Variants in GRIK3 observed in about 807,000 individuals in gnomAD.
The protein encoded by GRIK3 is glutamate ionotropic receptor kainate type subunit 3, also known as glutamate receptor ionotropic, kainate 3.
GRIK3 carries 29 observed loss-of-function variants against 102.5 expected under a neutral mutation model. The observed-to-expected ratio is 0.28, with a 90% confidence interval of 0.21 to 0.39. The LOEUF is 0.39. Ranked by LOEUF, GRIK3 falls within the 10% of genes least tolerant of loss-of-function variation. GRIK3 has a pLI of 1.00. For synonymous variants in GRIK3, 511 were observed against 504.9 expected, an observed-to-expected ratio of 1.01 and a Z score of -0.16; for missense variants, 908 against 1,252.4, an observed-to-expected ratio of 0.73 and a Z score of 4.15.
chr1:36,805,185 C>T lies in GRIK3; in HGVS notation c.2367G>A (p.Glu789=), dbSNP rs377412895. The change falls in exon 15 of 16, where the codon GAG becomes GAA. Residue 789 remains glutamate, a synonymous_variant. Coordinates refer to ENST00000373091, the MANE Select transcript of GRIK3 (RefSeq NM_000831.4). ...ITIAILQLQE[E]DKLHIMKEKW... is the part of the protein sequence containing the mutation. Reference sequence around the variant, plus strand: ...TCTCCTTCATGATATGCAGCTTGTCCTCCTCCTGAAGCTGCAGGATGGCGA... The same window carrying T: ...TCTCCTTCATGATATGCAGCTTGTCTTCCTCCTGAAGCTGCAGGATGGCGA... 1.4e-5 allele frequency: 22 copies of T among 1,613,992 alleles called. No homozygotes were observed. Among genetic ancestry groups the T allele is most frequent in the African/African-American group, 2.7e-5 (2 of 74,944 alleles).
At chr1:36,991,454 C>T (rs1642362426) in intron 1 of GRIK3, among the ~76,000 whole-genome samples, 1 of 152,176 alleles carries the variant, frequency 6.6e-6, no homozygotes, top group Non-Finnish European at 1.5e-5. Context: ...CAAGCCTCAG[C>T]CCAGCCTCCC....
chr1:36,977,096 G>C (rs111263720), intron 1 of GRIK3, among the ~76,000 whole-genome samples: 34 of 152,182 alleles, frequency 2.2e-4, no homozygotes, highest in African/African-American at 8.0e-4. Flanking sequence ...CATCCCTCTG[G>C]TGTTGGAGTC....
intron 10 of GRIK3, among the ~76,000 whole-genome samples, chr1:36,831,428 C>T (rs944997952): frequency 1.3e-5 from 2 of 152,198 alleles, no homozygotes; most frequent in African/African-American, 4.8e-5. Context: ...TCCCAGGGGA[C>T]TCTGCTGGCA....
intron 1 of GRIK3, among the ~76,000 whole-genome samples, chr1:36,967,563 G>A (rs1026230473): frequency 5.9e-5 from 9 of 152,246 alleles, no homozygotes; most frequent in Admixed American, 2.0e-4. Flanking sequence ...TGACAGGTAG[G>A]AGGTAAAGAG....
Position 36,862,180 on chromosome 1 carries a change from T to C in GRIK3, c.787-2163A>G, listed in dbSNP as rs533248492. Among the ~76,000 whole-genome samples, 9 of 152,282 alleles carry C rather than the reference T, an allele frequency of 5.9e-5. No homozygotes were observed. The South Asian group carries it at 1.5e-3, about 25-fold the overall frequency. On this transcript the variant is annotated intron_variant, in intron 5 of 15. Transcript: ENST00000373091. ...CACACTGGCCAGTGGGAGCTGAATG[T>C]TAGCATTTCTTCCCAACTCTGCCTT...
chr1:36,908,922 A>G (rs913430503), intron 1 of GRIK3, among the ~76,000 whole-genome samples: 2 of 152,150 alleles, frequency 1.3e-5, no homozygotes, highest in African/African-American at 4.8e-5. Flanking sequence ...GGTAAAACAA[A>G]TAACAACAAC....
intron 9 of GRIK3, among the ~76,000 whole-genome samples, chr1:36,845,223 T>C (rs1640506513): frequency 6.6e-6 from 1 of 152,180 alleles, no homozygotes; most frequent in Non-Finnish European, 1.5e-5. Context: ...ACTGGAAATG[T>C]CCAGACAGCC....
At chr1:37,001,023 A>G (rs1353541693) in intron 1 of GRIK3, among the ~76,000 whole-genome samples, 1 of 152,262 alleles carries the variant, frequency 6.6e-6, no homozygotes, top group South Asian at 2.1e-4. Context: ...TGTAAAAGGT[A>G]TAAGATTTAA....
intron 2 of GRIK3, among the ~76,000 whole-genome samples, chr1:36,882,233 C>G (rs2124264647): frequency 6.6e-6 from 1 of 152,326 alleles, no homozygotes; most frequent in East Asian, 1.9e-4. Context: ...GAATCATCAT[C>G]TGAATGTTGA....
At chr1:36,840,400 G>A (rs1640431999) in intron 10 of GRIK3, among the ~76,000 whole-genome samples, 1 of 152,036 alleles carries the variant, frequency 6.6e-6, no homozygotes, top group South Asian at 2.1e-4. Context: ...AACCACAGGA[G>A]CTACGGTAGT....
intron 1 of GRIK3, among the ~76,000 whole-genome samples, chr1:37,024,327 A>C (rs1483250924): frequency 6.6e-6 from 1 of 152,126 alleles, no homozygotes; most frequent in African/African-American, 2.4e-5. Flanking sequence ...GGGCATGGTG[A>C]TCATAATAGT....
intron 1 of GRIK3, among the ~76,000 whole-genome samples, chr1:37,008,557 G>A (rs1642556075): frequency 6.6e-6 from 1 of 152,216 alleles, no homozygotes; most frequent in Non-Finnish European, 1.5e-5. Context: ...CCCAGACAAA[G>A]CAATCTACTT....
intron 1 of GRIK3, among the ~76,000 whole-genome samples, chr1:37,008,242 C>T (rs527841898): frequency 5.9e-4 from 90 of 152,342 alleles, no homozygotes; most frequent in African/African-American, 2.1e-3. Flanking sequence ...CAAAGGCTGG[C>T]TCTACCCTTA....
intron 1 of GRIK3, among the ~76,000 whole-genome samples, chr1:36,951,658 C>T (rs1021295964): frequency 6.6e-6 from 1 of 152,178 alleles, no homozygotes; most frequent in Non-Finnish European, 1.5e-5. Context: ...ACTTTGACTA[C>T]CCTTTGTGCT....
At chr1:36,980,081 G>A (rs559337891) in intron 1 of GRIK3, among the ~76,000 whole-genome samples, 1 of 152,282 alleles carries the variant, frequency 6.6e-6, no homozygotes, top group East Asian at 1.9e-4. Context: ...TCCTAGTAAA[G>A]CTCCCTCTGA....
intron 15 of GRIK3, 69 bp downstream of exon 15, chr1:36,804,918 C>A: frequency 6.4e-7 from 1 of 1,567,268 alleles, no homozygotes; most frequent in Non-Finnish European, 8.7e-7. Flanking sequence ...GTGCCTGGCA[C>A]ATACAGGAGT....
At position 36,919,685 on chromosome 1, in the gene GRIK3, T is replaced by G. The variant is rs114258162; in HGVS notation, c.116-28589A>C. On this transcript the variant is annotated intron_variant, in intron 1 of 15. Transcript: ENST00000373091. ...GCCTCAAGGAACTGCTGCTCCCATCTCCAGCACTGCTGTGCCCGGCTGTCA... is the reference window on the plus strand; with the variant it reads ...GCCTCAAGGAACTGCTGCTCCCATCGCCAGCACTGCTGTGCCCGGCTGTCA... Among the ~76,000 whole-genome samples, 799 of 152,300 alleles carry G rather than the reference T, an allele frequency of 5.2e-3. 6 individuals are homozygous for G. Among genetic ancestry groups the G allele is most frequent in the African/African-American group, 0.018 (761 of 41,566 alleles).
chr1:36,899,179 A>G (rs148036163), intron 1 of GRIK3, among the ~76,000 whole-genome samples: 46 of 152,276 alleles, frequency 3.0e-4, no homozygotes, highest in African/African-American at 1.1e-3. Flanking sequence ...AGACAAATTG[A>G]GCTTAATAAA....
At chr1:36,998,915 G>A (rs16823749) in intron 1 of GRIK3, among the ~76,000 whole-genome samples, 2,859 of 152,220 alleles carry the variant, frequency 0.019, 76 homozygotes, top group East Asian at 0.098. Context: ...CCATCTAGCA[G>A]GGTTTGCAGC....
Sources: allele counts gnomAD v4.1 joint callset (sites outside exome capture counted in the v4.1 genomes callset), GRCh38; gene constraint gnomAD v4.1.1; transcripts MANE v1.5; gene names NCBI Gene and HGNC (gene_info 2026-07-23, HGNC 2026-07-21).